SEC62: variants seen among roughly 807,000 people sequenced by gnomAD.
SEC62 encodes the protein SEC62 preprotein translocation factor.
In SEC62, 10 loss-of-function variants were observed where a neutral mutation model predicts 47.5. The ratio of observed to expected loss-of-function variants is 0.21; its 90% CI spans 0.13 to 0.36. The LOEUF is 0.36. Ranked by LOEUF, SEC62 falls within the 10% of genes least tolerant of loss-of-function variation. The pLI is 1.00. For missense variants in SEC62, 327 were observed against 464.1 expected (o/e 0.70, Z 2.71); for synonymous variants, 136 against 150.5 (o/e 0.90, Z 0.71).
chr3:169,989,913 C>G (rs374085606), intron 7 of SEC62, among the ~76,000 whole-genome samples: 1 of 148,506 alleles, frequency 6.7e-6, no homozygotes, highest in Non-Finnish European at 1.5e-5. Context: ...TTATATTATT[C>G]TTTGAAGTCT....
intron 6 of SEC62, among the ~76,000 whole-genome samples, chr3:169,987,752 C>T (rs190282793): frequency 1.2e-4 from 18 of 152,242 alleles, no homozygotes; most frequent in Admixed American, 1.0e-3. Flanking sequence ...CCAAAAAATA[C>T]ATCTGTAGCA....
intron 1 of SEC62, among the ~76,000 whole-genome samples, chr3:169,967,232 C>A (rs1349393856): frequency 6.6e-6 from 1 of 152,206 alleles, no homozygotes; most frequent in Non-Finnish European, 1.5e-5. Context: ...CTCCTCCCCT[C>A]CCTTCACCCC....
In SEC62 at chr3:169,992,806, A is replaced by G. The variant is rs1056843778; in HGVS notation, c.943A>G (p.Ser315Gly). Residue 315 changes from serine (S) to glycine (G), a missense_variant, in exon 8 of 8, where the codon AGT becomes GGT. Physicochemically the swap from Ser to Gly is moderately conservative, Grantham distance 56 (BLOSUM62 0). Around this residue, in one of 3 missense-constraint regions of SEC62, gnomAD observed 102 missense variants for 108.8 expected, o/e 0.94. Transcript: ENST00000337002. This position sits in a 1 kb window ranked among gnomAD's most constrained non-coding sequence, Gnocchi z 4.0. Reference protein sequence around the residue: ...QKSDSEEKSDSEKKEDEEGKV... With the variant: ...QKSDSEEKSDGEKKEDEEGKV... Reference sequence around the variant, plus strand: ...GTCCGACAGTGAGGAAAAGTCAGACAGTGAGAAAAAGGAAGATGAGGAGGG... The same window carrying G: ...GTCCGACAGTGAGGAAAAGTCAGACGGTGAGAAAAAGGAAGATGAGGAGGG... The G allele has an allele frequency of 6.2e-7, 1 of 1,614,044 alleles. No homozygotes were observed. Among genetic ancestry groups the G allele is most frequent in the African/African-American group, 1.3e-5 (1 of 74,930 alleles).
rs182471241 is a variant in SEC62 at position 169,995,665 on chromosome 3, A to C, written c.*2602A>C. 6.6e-6 allele frequency: 1 copy of C among 152,138 alleles called. No individual in the cohort carries two copies. The highest frequency in any genetic ancestry group is 2.4e-5 in the African/African-American group (1 of 41,412). The allele number at this position is 152,138 out of a possible 1,614,324, so 9.4% of individuals were successfully genotyped here. ...TATTAGGAACTGGAAAACAGCAAGTATGGTTGATTCTCATTATTCAAGGTA... is the reference window on the plus strand; with the variant it reads ...TATTAGGAACTGGAAAACAGCAAGTCTGGTTGATTCTCATTATTCAAGGTA... On this transcript the variant is annotated 3_prime_UTR_variant, in exon 8 of 8. Transcript: ENST00000337002.
intron 3 of SEC62, among the ~76,000 whole-genome samples, chr3:169,978,282 A>G (rs1195524295): frequency 1.3e-5 from 2 of 152,142 alleles, no homozygotes; most frequent in Non-Finnish European, 2.9e-5. Flanking sequence ...TTGTTGAGAC[A>G]AGGATGAGCT....
intron 1 of SEC62, among the ~76,000 whole-genome samples, chr3:169,967,215 C>A (rs1049326997): frequency 1.3e-5 from 2 of 152,200 alleles, no homozygotes; most frequent in Non-Finnish European, 2.9e-5. Flanking sequence ...GCTGACCCTT[C>A]CCGGGGCTCC....
intron 1 of SEC62, among the ~76,000 whole-genome samples, chr3:169,969,959 A>G (rs1714656732): frequency 6.6e-6 from 1 of 152,224 alleles, no homozygotes. Flanking sequence ...AAACCTTGAC[A>G]TATCATGGGC....
intron 6 of SEC62, among the ~76,000 whole-genome samples, chr3:169,986,424 T>G (rs1194511763): frequency 6.6e-6 from 1 of 152,150 alleles, no homozygotes; most frequent in Non-Finnish European, 1.5e-5. Flanking sequence ...CAAATATCTT[T>G]CAAATTCAAA....
chr3:169,969,180 G>A (rs1284819390), intron 1 of SEC62: 1 of 371,690 alleles, frequency 2.7e-6, no homozygotes, highest in Middle Eastern at 6.3e-4. Flanking sequence ...AATAGATTCA[G>A]TGATCTTTAA....
intron 7 of SEC62, among the ~76,000 whole-genome samples, chr3:169,991,549 CA>C (rs981067712): frequency 2.4e-4 from 36 of 151,946 alleles, no homozygotes; most frequent in African/African-American, 8.2e-4. Context: ...CCCATCTCTA[CA>C]AAAAATACAA....
At chr3:169,978,091 A>G (rs1010577304) in intron 3 of SEC62, among the ~76,000 whole-genome samples, 1 of 152,276 alleles carries the variant, frequency 6.6e-6, no homozygotes, top group Non-Finnish European at 1.5e-5. Context: ...CATTCTGGCT[A>G]ACAAGGTGAA....
chr3:169,971,289 G>A (rs1435360503), intron 1 of SEC62, among the ~76,000 whole-genome samples: 1 of 151,828 alleles, frequency 6.6e-6, no homozygotes, highest in East Asian at 1.9e-4. Flanking sequence ...TACCTAGGCT[G>A]GTCTTAAACT....
At chr3:169,983,028 G>A in intron 4 of SEC62, 117 bp downstream of exon 4, 1 of 1,483,442 alleles carries the variant, frequency 6.7e-7, no homozygotes. Flanking sequence ...CTATATTAGA[G>A]TTGTTATAAA....
At chr3:169,991,716 A>T (rs1037395846) in intron 7 of SEC62, among the ~76,000 whole-genome samples, 3 of 152,228 alleles carry the variant, frequency 2.0e-5, no homozygotes, top group Non-Finnish European at 4.4e-5. Context: ...TAAATAAATA[A>T]GAAAACAAGG....
rs1715398312 is a variant in SEC62 at position 169,997,203 on chromosome 3, AGAGATCCTT to A, written c.*4141_*4149del. On this transcript the variant is annotated 3_prime_UTR_variant, in exon 8 of 8. Coordinates refer to ENST00000337002, the MANE Select transcript of SEC62 (RefSeq NM_003262.4). ...TTATTTCATTTGTCCAACCTAGCAC[AGAGATCCTT>A]TGATACTTTAATTGCATGGCTTTTC... is the stretch of plus-strand genomic sequence containing the variant. 1 of 152,216 alleles carries A rather than the reference AGAGATCCTT, an allele frequency of 6.6e-6. No individual in the cohort carries two copies. Among genetic ancestry groups the A allele is most frequent in the Non-Finnish European group, 1.5e-5 (1 of 68,042 alleles). The allele number at this position is 152,216 out of a possible 1,614,324, so 9.4% of individuals were successfully genotyped here.
rs1715297644 is a variant in SEC62, at chr3:169,993,472, A to G, written c.*409A>G. On this transcript the variant is annotated 3_prime_UTR_variant, in exon 8 of 8. Coordinates refer to ENST00000337002, the MANE Select transcript of SEC62 (RefSeq NM_003262.4). ...ATGCATAGTTATGTAGCCATTTCAC[A>G]GTTTCTTTAAGATGTGTAAACTCAT... is the stretch of plus-strand genomic sequence containing the variant. 1 of 157,214 alleles carries G rather than the reference A, an allele frequency of 6.4e-6. No homozygotes were observed. The highest frequency in any genetic ancestry group is 1.4e-5 in the Non-Finnish European group (1 of 71,206). 9.7% of individuals were successfully genotyped at this position (157,214 alleles called of 1,614,324 possible).
intron 1 of SEC62, among the ~76,000 whole-genome samples, chr3:169,974,591 A>G (rs1346623477): frequency 6.6e-6 from 1 of 152,262 alleles, no homozygotes; most frequent in African/African-American, 2.4e-5. Flanking sequence ...CGGCCTTTCC[A>G]AAACGACTCT....
Position 169,966,877 on chromosome 3 carries a change from G to C in SEC62, c.36+19G>C. On this transcript the variant is annotated intron_variant, in intron 1 of 7. Transcript: ENST00000337002. ...GATCCAGGTAGCAAAGCCGAGCTCT[G>C]GGCAGGGGGCTTCGGCGCGCTGGAT... The C allele has an allele frequency of 3.2e-6, 5 of 1,553,844 alleles. No individual in the cohort carries two copies. Among genetic ancestry groups the C allele is most frequent in the Non-Finnish European group, 4.4e-6 (5 of 1,148,346 alleles).
rs771059376 is a variant in SEC62 at position 169,992,844 on chromosome 3, A to G, written c.981A>G (p.Pro327=). 4.3e-6 allele frequency: 7 copies of G among 1,614,104 alleles called. No homozygotes were observed. The highest frequency in any genetic ancestry group is 5.9e-6 in the Non-Finnish European group (7 of 1,180,018). ...KKEDEEGKVG[P]GNHGTEGSGG... is the part of the protein sequence containing the mutation. The stretch of plus-strand genomic sequence containing the variant: ...AAGATGAGGAGGGGAAAGTAGGACC[A>G]GGAAATCATGGAACAGAAGGCTCGG... The change falls in exon 8 of 8, where the codon CCA becomes CCG. Residue 327 remains proline, a synonymous_variant. Coordinates refer to ENST00000337002, the MANE Select transcript of SEC62 (RefSeq NM_003262.4). This position sits in a 1 kb window ranked among gnomAD's most constrained non-coding sequence, Gnocchi z 4.0.
Sources: allele counts gnomAD v4.1 joint callset (sites outside exome capture counted in the v4.1 genomes callset), GRCh38; gene constraint gnomAD v4.1.1; regional missense constraint gnomAD v4.1.1; non-coding constraint Gnocchi (gnomAD v3.1); transcripts MANE v1.5; gene names NCBI Gene and HGNC (gene_info 2026-07-23, HGNC 2026-07-21).